Variants in LUZP2 observed in about 807,000 individuals in gnomAD.
LUZP2 encodes leucine zipper protein 2.
Under a neutral mutation model 51.6 loss-of-function variants are expected in LUZP2, and 52 were observed. The observed-to-expected ratio is 1.01, with a 90% CI of 0.81 to 1.27. The LOEUF (loss-of-function observed/expected upper bound fraction) is 1.27. Ranked by LOEUF, LUZP2 falls within the 50% of genes most tolerant of loss-of-function variation. The pLI is 0.00. For missense variants in LUZP2, 436 were observed against 395.4 expected (o/e 1.10, Z -0.87); for synonymous variants, 154 against 137.3 (o/e 1.12, Z -0.85).
At chr11:24,673,467 G>T (rs374932333) in intron 1 of LUZP2, among the ~76,000 whole-genome samples, 4 of 152,272 alleles carry the variant, frequency 2.6e-5, no homozygotes, top group East Asian at 1.9e-4. Flanking sequence ...GGGTGCAGGG[G>T]TGGTCATGGG....
At chr11:24,690,085 T>C (rs2133886971) in intron 1 of LUZP2, among the ~76,000 whole-genome samples, 1 of 152,280 alleles carries the variant, frequency 6.6e-6, no homozygotes, top group East Asian at 1.9e-4. Flanking sequence ...AAATCAATTA[T>C]CTTATCTCTG....
chr11:25,062,607 A>AAG (rs1336111063), intron 10 of LUZP2, among the ~76,000 whole-genome samples: 1 of 145,972 alleles, frequency 6.9e-6, no homozygotes, highest in Non-Finnish European at 1.5e-5. Context: ...AAAAAAAAAA[A>AAG]AAAAAAGAAA....
intron 9 of LUZP2, among the ~76,000 whole-genome samples, chr11:25,036,473 T>A (rs11028372): frequency 0.078 from 11,802 of 152,020 alleles, 1,477 homozygotes; most frequent in African/African-American, 0.26. Flanking sequence ...TTTCATTCAG[T>A]TCTTCTCTAG....
chr11:25,066,271 T>C (rs1055420757), intron 10 of LUZP2, among the ~76,000 whole-genome samples: 1 of 151,904 alleles, frequency 6.6e-6, no homozygotes, highest in Admixed American at 6.6e-5. Flanking sequence ...TGTCCAGTGA[T>C]GGTCTCAGTG....
chr11:24,700,360 G>C (rs535032143), intron 1 of LUZP2, among the ~76,000 whole-genome samples: 4 of 152,036 alleles, frequency 2.6e-5, no homozygotes, highest in African/African-American at 9.7e-5. Context: ...CACCACGCCC[G>C]GCTTATTTTC....
chr11:24,964,850 A>G (rs1402846393), intron 7 of LUZP2, among the ~76,000 whole-genome samples: 4 of 151,842 alleles, frequency 2.6e-5, no homozygotes, highest in Non-Finnish European at 5.9e-5. Flanking sequence ...CATATATATC[A>G]CTGAAATTTC....
intron 1 of LUZP2, among the ~76,000 whole-genome samples, chr11:24,523,385 A>G (rs1850703022): frequency 6.6e-6 from 1 of 151,618 alleles, no homozygotes; most frequent in Non-Finnish European, 1.5e-5. Context: ...TACCTTTAAC[A>G]TTTTTGGTAA....
At chr11:24,734,455 C>T (rs1421374662) in intron 3 of LUZP2, among the ~76,000 whole-genome samples, 1 of 151,728 alleles carries the variant, frequency 6.6e-6, no homozygotes, top group Non-Finnish European at 1.5e-5. Flanking sequence ...GATGATAGAA[C>T]AAGTCTTTCA....
chr11:24,538,461 C>T (rs1169647333), intron 1 of LUZP2, among the ~76,000 whole-genome samples: 1 of 151,652 alleles, frequency 6.6e-6, no homozygotes, highest in East Asian at 1.9e-4. Context: ...CACATACTTT[C>T]TTCCTGGGGT....
chr11:24,820,654 CTTTAA>C (rs1850329704), intron 5 of LUZP2, among the ~76,000 whole-genome samples: 2 of 152,180 alleles, frequency 1.3e-5, no homozygotes, highest in East Asian at 1.9e-4. Context: ...TCCAAGATTA[CTTTAA>C]TGACTCACTG....
At chr11:24,655,417 A>T (rs1195275990) in intron 1 of LUZP2, among the ~76,000 whole-genome samples, 6 of 152,118 alleles carry the variant, frequency 3.9e-5, no homozygotes, top group Admixed American at 2.6e-4. Flanking sequence ...GGTGCAGTGA[A>T]TATTTTGGAT....
intron 1 of LUZP2, among the ~76,000 whole-genome samples, chr11:24,584,006 C>G (rs763232576): frequency 3.5e-4 from 53 of 152,068 alleles, no homozygotes; most frequent in Non-Finnish European, 6.3e-4. Context: ...GCCACCGCGC[C>G]TGACCTACCT....
intron 1 of LUZP2, among the ~76,000 whole-genome samples, chr11:24,709,184 T>A (rs1857726671): frequency 6.6e-6 from 1 of 152,212 alleles, no homozygotes; most frequent in African/African-American, 2.4e-5. Flanking sequence ...ATCACAGGAC[T>A]TGAAGCTGAG....
At chr11:24,851,134 A>G (rs1409373104) in intron 5 of LUZP2, among the ~76,000 whole-genome samples, 6 of 152,176 alleles carry the variant, frequency 3.9e-5, no homozygotes, top group Admixed American at 3.9e-4. Flanking sequence ...CCCTGGCCAG[A>G]ACTTCCAATA....
intron 1 of LUZP2, among the ~76,000 whole-genome samples, chr11:24,635,955 G>A (rs10834411): frequency 6.6e-5 from 10 of 152,004 alleles, no homozygotes; most frequent in Admixed American, 3.3e-4. Context: ...GCAGAGACAT[G>A]CTATCCTTAC....
At chr11:25,036,529 CT>C (rs34981744) in intron 9 of LUZP2, among the ~76,000 whole-genome samples, 58 of 150,164 alleles carry the variant, frequency 3.9e-4, no homozygotes, top group Middle Eastern at 3.4e-3. Flanking sequence ...TTAGTTTGTT[CT>C]TTTTTTTTGT....
intron 5 of LUZP2, among the ~76,000 whole-genome samples, chr11:24,845,745 C>G (rs1221396592): frequency 6.8e-6 from 1 of 146,874 alleles, no homozygotes; most frequent in South Asian, 2.1e-4. Context: ...TGCACAAGCT[C>G]TCTCTCTCTT....
At chr11:24,957,927 G>T (rs1233578934) in intron 7 of LUZP2, among the ~76,000 whole-genome samples, 1 of 152,032 alleles carries the variant, frequency 6.6e-6, no homozygotes, top group Non-Finnish European at 1.5e-5. Context: ...ACAGTCCCCA[G>T]AGTGTGATGT....
At chr11:24,878,895 T>C (rs1852363411) in intron 5 of LUZP2, among the ~76,000 whole-genome samples, 1 of 152,040 alleles carries the variant, frequency 6.6e-6, no homozygotes, top group African/African-American at 2.4e-5. Flanking sequence ...CCTGTGGTAG[T>C]CGCTGAGGAT....
Sources: gnomAD v4.1 joint callset for allele counts (sites outside exome capture counted in the v4.1 genomes callset) on GRCh38, gnomAD v4.1.1 for gene constraint, MANE v1.5 for transcripts, NCBI Gene and HGNC (gene_info 2026-07-23, HGNC 2026-07-21) for gene names.